Variants in PLD1 observed in about 807,000 individuals in gnomAD.
PLD1 encodes choline phosphatase 1.
PLD1 carries 112 observed loss-of-function variants against 137.1 expected under a neutral mutation model. That is an observed-to-expected ratio of 0.82 (90% confidence interval 0.70 to 0.96). The LOEUF (loss-of-function observed/expected upper bound fraction) is 0.96. PLD1 is among the 40% of genes least tolerant of loss of function. PLD1 has a pLI of 0.00. For missense variants in PLD1, 1,321 were observed against 1,342.0 expected (o/e 0.98, Z 0.24); for synonymous variants, 431 against 454.7 (o/e 0.95, Z 0.66).
intron 1 of PLD1, among the ~76,000 whole-genome samples, chr3:171,790,582 G>A (rs1046337051): frequency 2.0e-5 from 3 of 152,186 alleles, no homozygotes; most frequent in Non-Finnish European, 4.4e-5. Flanking sequence ...AGTGAGGTGT[G>A]GCTATGTTAC....
intron 21 of PLD1, among the ~76,000 whole-genome samples, chr3:171,651,915 T>A (rs996363519): frequency 1.3e-5 from 2 of 152,168 alleles, no homozygotes; most frequent in African/African-American, 4.8e-5. Context: ...TGTGCTAATC[T>A]TTACATTTCT....
chr3:171,726,156 C>G, intron 6 of PLD1, 80 bp from the exon 7 acceptor site: 1 of 890,194 alleles, frequency 1.1e-6, no homozygotes, highest in Non-Finnish European at 1.9e-6. Context: ...TTAGGTATAG[C>G]TGTGTGTATA....
rs774704143 is a variant in PLD1, at chr3:171,710,872, C to CTTTTTTTTTTTTTT, written c.912-1177_912-1164dup. On this transcript the variant is annotated intron_variant, in intron 9 of 26. Coordinates refer to ENST00000351298, the MANE Select transcript of PLD1 (RefSeq NM_002662.5). Reference sequence around the variant, plus strand: ...TTTCACTAATCATAGGAAAACTGTTCTTTTTTTTTTTTTTTTTTTGAGACG... The same window carrying CTTTTTTTTTTTTTT: ...TTTCACTAATCATAGGAAAACTGTTCTTTTTTTTTTTTTTTTTTTTTTTTTTTTTTTTTGAGACG... Among the ~76,000 whole-genome samples, 268 of 98,556 alleles carry CTTTTTTTTTTTTTT rather than the reference C, an allele frequency of 2.7e-3. 30 individuals carry two copies. The highest frequency in any genetic ancestry group is 0.012 in the African/African-American group (248 of 21,364). The allele number at this position is 98,556 out of a possible 152,430, so 64.7% of individuals were successfully genotyped here. A position where few individuals can be genotyped will look rare whatever the true frequency, so the allele number is the denominator to read the frequency against.
intron 23 of PLD1, among the ~76,000 whole-genome samples, chr3:171,632,166 C>A (rs1163160904): frequency 6.6e-6 from 1 of 152,108 alleles, no homozygotes; most frequent in Non-Finnish European, 1.5e-5. Context: ...TAAGCTAAAT[C>A]TAATCATGAG....
intron 1 of PLD1, among the ~76,000 whole-genome samples, chr3:171,764,826 AGAAAGAAAGAAAGAAAGAAAGAAAG>A (rs1721701184): frequency 4.2e-5 from 1 of 23,744 alleles, no homozygotes; most frequent in South Asian, 1.3e-3. Context: ...AGAAAGAAAG[AGAAAGAAAGAAAGAAAGAAAGAAAG>A]AAAGAAAGAA....
intron 21 of PLD1, among the ~76,000 whole-genome samples, chr3:171,645,714 C>T (rs2108383283): frequency 6.6e-6 from 1 of 151,998 alleles, no homozygotes; most frequent in South Asian, 2.1e-4. Context: ...GAAACCCCGT[C>T]TCTACTAAAT....
intron 9 of PLD1, among the ~76,000 whole-genome samples, chr3:171,710,955 C>G (rs1717168231): frequency 7.0e-6 from 1 of 143,874 alleles, no homozygotes; most frequent in Admixed American, 7.1e-5. Context: ...CTCACTGCAA[C>G]CTCCGCCTCC....
At chr3:171,672,494 TA>T (rs377423308) in intron 19 of PLD1, among the ~76,000 whole-genome samples, 9,842 of 125,260 alleles carry the variant, frequency 0.079, 433 homozygotes, top group African/African-American at 0.15. Flanking sequence ...TTTTTATTTT[TA>T]TTTTTTTTTT....
intron 1 of PLD1, among the ~76,000 whole-genome samples, chr3:171,776,529 T>C (rs1298056438): frequency 6.6e-6 from 1 of 152,212 alleles, no homozygotes; most frequent in African/African-American, 2.4e-5. Context: ...ACTTAAGCAA[T>C]TGGTTTGAAA....
chr3:171,801,860 T>C (rs538168821), intron 1 of PLD1, among the ~76,000 whole-genome samples: 1 of 152,236 alleles, frequency 6.6e-6, no homozygotes, highest in Non-Finnish European at 1.5e-5. Flanking sequence ...TATGTTACGA[T>C]ACTTTCATGT....
intron 1 of PLD1, among the ~76,000 whole-genome samples, chr3:171,767,316 T>C (rs1299412908): frequency 6.6e-6 from 1 of 152,212 alleles, no homozygotes; most frequent in Admixed American, 6.5e-5. Flanking sequence ...GTCACCAGGT[T>C]CTTGCCACTG....
At chr3:171,746,950 C>T (rs984259027) in intron 1 of PLD1, among the ~76,000 whole-genome samples, 2 of 152,212 alleles carry the variant, frequency 1.3e-5, no homozygotes, top group African/African-American at 4.8e-5. Context: ...TGGGTCTGCA[C>T]TGCTTTTATT....
At chr3:171,752,741 T>C (rs1420968673) in intron 1 of PLD1, among the ~76,000 whole-genome samples, 2 of 152,250 alleles carry the variant, frequency 1.3e-5, no homozygotes, top group Non-Finnish European at 2.9e-5. Flanking sequence ...AGTATTTTAC[T>C]ATATGTGTGT....
chr3:171,713,206 T>C (rs1717406115), intron 9 of PLD1, among the ~76,000 whole-genome samples: 1 of 152,218 alleles, frequency 6.6e-6, no homozygotes, highest in Admixed American at 6.5e-5. Context: ...AGGCCTGTTA[T>C]CCCAGCACTG....
intron 8 of PLD1, among the ~76,000 whole-genome samples, chr3:171,722,441 A>G (rs1414230242): frequency 6.6e-6 from 1 of 152,192 alleles, no homozygotes. Flanking sequence ...TCATTGGCCC[A>G]AAAATAAACC....
At chr3:171,722,255 C>G (rs550366102) in intron 8 of PLD1, among the ~76,000 whole-genome samples, 74 of 152,238 alleles carry the variant, frequency 4.9e-4, no homozygotes, top group African/African-American at 1.7e-3. Context: ...ATAATGTTTT[C>G]TGTCTATATT....
intron 6 of PLD1, among the ~76,000 whole-genome samples, chr3:171,732,150 A>G (rs968452032): frequency 2.0e-5 from 3 of 152,236 alleles, no homozygotes; most frequent in Non-Finnish European, 4.4e-5. Flanking sequence ...AGAAAATAGC[A>G]TGTCGGATTT....
Position 171,644,937 on chromosome 3 carries a change from A to G in PLD1, c.2516T>C (p.Leu839Pro), listed in dbSNP as rs1486679533. 1 of 1,612,858 alleles carries G rather than the reference A, an allele frequency of 6.2e-7. No homozygotes were observed. The highest frequency in any genetic ancestry group is 2.2e-5 in the East Asian group (1 of 44,874). Residue 839 changes from leucine (L) to proline (P), a missense_variant, in exon 22 of 27, where the codon CTA becomes CCA. Transcript: ENST00000351298. ...GDISTGGGNA[L>P]QAIMHFNYRT... Reference sequence around the variant, plus strand: ...GTAGTTGAAGTGCATGATTGCCTGTAGAGCATTTCCTCCGCCGGTTGAAAT... The same window carrying G: ...GTAGTTGAAGTGCATGATTGCCTGTGGAGCATTTCCTCCGCCGGTTGAAAT...
chr3:171,701,898 G>A (rs180958440), intron 11 of PLD1, among the ~76,000 whole-genome samples: 5 of 152,190 alleles, frequency 3.3e-5, no homozygotes, highest in East Asian at 1.9e-4. Flanking sequence ...TCCTGATTGC[G>A]GAGATATTAA....
Sources: allele counts gnomAD v4.1 joint callset (sites outside exome capture counted in the v4.1 genomes callset), GRCh38; gene constraint gnomAD v4.1.1; transcripts MANE v1.5; gene names NCBI Gene and HGNC (gene_info 2026-07-23, HGNC 2026-07-21).